Variants in GRAMD1B observed in about 807,000 individuals in gnomAD.
GRAMD1B encodes GRAM domain containing 1B.
Under a neutral mutation model 99.7 loss-of-function variants are expected in GRAMD1B, and 37 were observed. That is an observed-to-expected ratio of 0.37 (90% CI 0.29 to 0.49). GRAMD1B has a LOEUF of 0.49. Ranked by LOEUF, GRAMD1B falls within the 20% of genes least tolerant of loss-of-function variation. The probability of loss-of-function intolerance (pLI) is 0.98; values close to 1 mark genes in which losing one functional copy is unlikely to be tolerated. For synonymous variants in GRAMD1B, 427 were observed against 387.6 expected, an observed-to-expected ratio of 1.10 and a Z score of -1.19; for missense variants, 888 against 1,009.2, an observed-to-expected ratio of 0.88 and a Z score of 1.63.
At chr11:123,395,337 G>A (rs891726993) in intron 1 of GRAMD1B, among the ~76,000 whole-genome samples, 1 of 151,974 alleles carries the variant, frequency 6.6e-6, no homozygotes, top group African/African-American at 2.4e-5. Context: ...TAGTAAAATT[G>A]GGGGAAGGTA....
At chr11:123,368,178 C>T (rs1591361359) in intron 1 of GRAMD1B, among the ~76,000 whole-genome samples, 1 of 145,286 alleles carries the variant, frequency 6.9e-6, no homozygotes, top group East Asian at 2.1e-4. Context: ...CATTTGAACC[C>T]AGGAGGTGGA....
intron 1 of GRAMD1B, chr11:123,459,290 T>A (rs1228565325): frequency 1.3e-5 from 2 of 151,902 alleles, no homozygotes; most frequent in African/African-American, 4.8e-5. Flanking sequence ...AGTTTTGCTT[T>A]TGTCACCCAG....
intron 2 of GRAMD1B, among the ~76,000 whole-genome samples, chr11:123,532,650 C>T (rs1286906209): frequency 6.6e-6 from 1 of 152,178 alleles, no homozygotes; most frequent in Non-Finnish European, 1.5e-5. Context: ...AGCCAACAGG[C>T]CAAATTCGGT....
In GRAMD1B at chr11:123,613,651, T is replaced by C. The variant is rs373969484; in HGVS notation, c.2220T>C (p.His740=). ...AGGATGTGGGCCACAGGATCAAACATGTGGCAGGTGTGTGCCAGGTGGGGA... is the reference window on the plus strand; with the variant it reads ...AGGATGTGGGCCACAGGATCAAACACGTGGCAGGTGTGTGCCAGGTGGGGA... The part of the protein sequence containing the change: ...TDEDVGHRIK[H]VAGSTQTRHI... Residue 740 remains histidine (H), a synonymous_variant, in exon 16 of 20, where the codon CAT becomes CAC. Coordinates refer to ENST00000635736, the MANE Select transcript of GRAMD1B (RefSeq NM_001387025.1). 6 of 1,612,662 alleles carry C rather than the reference T, an allele frequency of 3.7e-6. No homozygotes were observed. The highest frequency in any genetic ancestry group is 5.1e-6 in the Non-Finnish European group (6 of 1,179,456).
intron 1 of GRAMD1B, among the ~76,000 whole-genome samples, chr11:123,424,253 CAAA>C (rs1029881122): frequency 1.5e-4 from 16 of 104,224 alleles, no homozygotes; most frequent in Admixed American, 3.0e-4. Flanking sequence ...CCCCCAACAC[CAAA>C]AAAAAAAAAA....
chr11:123,462,882 A>AAAAG (rs1950492450), intron 1 of GRAMD1B, among the ~76,000 whole-genome samples: 1 of 103,374 alleles, frequency 9.7e-6, no homozygotes, highest in East Asian at 2.2e-4. Context: ...TATCAATAAA[A>AAAAG]AAATAAATTA....
intron 17 of GRAMD1B, among the ~76,000 whole-genome samples, chr11:123,616,864 CAA>C (rs905639648): frequency 1.3e-5 from 2 of 152,210 alleles, no homozygotes; most frequent in African/African-American, 4.8e-5. Flanking sequence ...CAGGCTGTGC[CAA>C]AGAGGCGGGT....
At chr11:123,382,119 T>C (rs1200597825) in intron 1 of GRAMD1B, among the ~76,000 whole-genome samples, 1 of 152,184 alleles carries the variant, frequency 6.6e-6, no homozygotes, top group Non-Finnish European at 1.5e-5. Flanking sequence ...GGGATTTTTC[T>C]GGGGATTGGG....
intron 2 of GRAMD1B, among the ~76,000 whole-genome samples, chr11:123,555,128 GA>G (rs1946046278): frequency 1.3e-5 from 2 of 152,204 alleles, no homozygotes; most frequent in African/African-American, 2.4e-5. Context: ...AGCCGGCAAA[GA>G]AGAAACGTTG....
At chr11:123,598,987 C>T in intron 7 of GRAMD1B, 1 of 1,056,360 alleles carries the variant, frequency 9.5e-7, no homozygotes, top group South Asian at 1.3e-5. Flanking sequence ...TCCAGCTTCT[C>T]AGATGCCTTC....
At chr11:123,446,336 TTG>T (rs1442818935) in intron 1 of GRAMD1B, among the ~76,000 whole-genome samples, 9 of 151,896 alleles carry the variant, frequency 5.9e-5, no homozygotes, top group Admixed American at 3.3e-4. Context: ...CGGCTAATAT[TTG>T]TGTTTTTAGT....
chr11:123,496,074 T>G (rs1430326555), intron 2 of GRAMD1B, among the ~76,000 whole-genome samples: 1 of 152,194 alleles, frequency 6.6e-6, no homozygotes, highest in Admixed American at 6.5e-5. Flanking sequence ...AGATGATTTC[T>G]TTTTGCTCAT....
intron 2 of GRAMD1B, among the ~76,000 whole-genome samples, chr11:123,490,250 G>T (rs73612088): frequency 0.017 from 2,533 of 152,268 alleles, 78 homozygotes; most frequent in African/African-American, 0.057. Context: ...AAGGTGTAAG[G>T]CTTGGGCAAA....
chr11:123,450,822 G>T (rs1375040415), intron 1 of GRAMD1B, among the ~76,000 whole-genome samples: 1 of 152,200 alleles, frequency 6.6e-6, no homozygotes, highest in Non-Finnish European at 1.5e-5. Context: ...TCTCTCTGCA[G>T]CTGTCAGATG....
chr11:123,522,915 T>A (rs1037757647), intron 2 of GRAMD1B, among the ~76,000 whole-genome samples: 6 of 152,228 alleles, frequency 3.9e-5, no homozygotes, highest in Non-Finnish European at 5.9e-5. Flanking sequence ...GTTTGTCTGA[T>A]AGAGAAGGAG....
At chr11:123,514,421 C>T (rs1421618732) in intron 2 of GRAMD1B, among the ~76,000 whole-genome samples, 1 of 152,144 alleles carries the variant, frequency 6.6e-6, no homozygotes, top group Non-Finnish European at 1.5e-5. Context: ...CTCGTTTGTC[C>T]ATGAGTTCAC....
chr11:123,445,836 A>AC (rs1949616604), intron 1 of GRAMD1B, among the ~76,000 whole-genome samples: 1 of 151,456 alleles, frequency 6.6e-6, no homozygotes, highest in African/African-American at 2.4e-5. Flanking sequence ...AAAAAAAAAA[A>AC]AACAAGACAA....
chr11:123,615,889 G>A (rs1314235926), intron 17 of GRAMD1B, among the ~76,000 whole-genome samples: 1 of 152,160 alleles, frequency 6.6e-6, no homozygotes, highest in Admixed American at 6.6e-5. Context: ...GGACGGTCCT[G>A]GGGACCAACT....
intron 1 of GRAMD1B, among the ~76,000 whole-genome samples, chr11:123,476,886 C>T (rs1321266617): frequency 6.6e-6 from 1 of 152,158 alleles, no homozygotes; most frequent in Non-Finnish European, 1.5e-5. Flanking sequence ...AAGGACATGA[C>T]ATTTCTGCAT....
Sources: gnomAD v4.1 joint callset for allele counts (sites outside exome capture counted in the v4.1 genomes callset) on GRCh38, gnomAD v4.1.1 for gene constraint, MANE v1.5 for transcripts, NCBI Gene and HGNC (gene_info 2026-07-23, HGNC 2026-07-21) for gene names.